The following PYHIN1 variants were observed in gnomAD, a reference collection of about 807,000 sequenced individuals.
PYHIN1 encodes pyrin and HIN domain-containing protein 1.
In PYHIN1, 32 loss-of-function variants were observed where a neutral mutation model predicts 43.7. That is an observed-to-expected ratio of 0.73 (90% CI 0.55 to 0.98). The LOEUF is 0.98. PYHIN1 is among the 50% of genes least tolerant of loss of function. The pLI, the probability that PYHIN1 is intolerant of heterozygous loss-of-function variation, is 0.00. For missense variants in PYHIN1, 588 were observed against 589.5 expected (o/e 1.00, Z 0.03); for synonymous variants, 205 against 203.1 (o/e 1.01, Z -0.08).
In PYHIN1 at chr1:158,942,364, G is replaced by A. The variant is rs1443490869; in HGVS notation, c.967G>A (p.Gly323Arg). 6.2e-7 allele frequency: 1 copy of A among 1,610,208 alleles called. No individual in the cohort carries two copies. The highest frequency in any genetic ancestry group is 1.7e-5 in the Admixed American group (1 of 59,134). The change falls in exon 5 of 9, where the codon GGA becomes AGA. Residue 323 changes from glycine (G) to arginine (R), a missense_variant. Physicochemically the swap from Gly to Arg is moderately radical, Grantham distance 125. Coordinates refer to ENST00000368140, the MANE Select transcript of PYHIN1 (RefSeq NM_152501.5). ...CAATATTCTTCACAAACAAACTTCA[G>A]GATATATTGTATATGGATTATTTAT... is the stretch of plus-strand genomic sequence containing the variant. ...KINILHKQTS[G>R]YIVYGLFMLH...
At chr1:158,940,770 C>T (rs1185642349) in intron 4 of PYHIN1, among the ~76,000 whole-genome samples, 1 of 152,074 alleles carries the variant, frequency 6.6e-6, no homozygotes, top group African/African-American at 2.4e-5. Flanking sequence ...GCAGACAAAC[C>T]AGATCAAACT....
At chr1:158,942,869 A>C (rs1302856244) in intron 5 of PYHIN1, among the ~76,000 whole-genome samples, 1 of 152,222 alleles carries the variant, frequency 6.6e-6, no homozygotes, top group Non-Finnish European at 1.5e-5. Context: ...CCTGGAAATC[A>C]ATTGCAGTAA....
rs1319946402 is a variant in PYHIN1 at position 158,933,614 on chromosome 1, A to G, written c.-21+1838A>G. 1.3e-5 allele frequency among the ~76,000 whole-genome samples: 2 copies of G among 152,100 alleles called. No homozygotes were observed. Among genetic ancestry groups the G allele is most frequent in the East Asian group, 3.8e-4 (2 of 5,198 alleles). ...ATTTAACTAGTTAACCTCTTTATGTATAGGCTAATAATTAACATATTTTGG... is the reference window on the plus strand; with the variant it reads ...ATTTAACTAGTTAACCTCTTTATGTGTAGGCTAATAATTAACATATTTTGG... On this transcript the variant is annotated intron_variant, in intron 1 of 8. Transcript: ENST00000368140. The surrounding 1 kb of genome is among the most constrained non-coding windows in gnomAD (Gnocchi z 6.3).
chr1:158,936,604 T>A (rs1454246207), intron 1 of PYHIN1, among the ~76,000 whole-genome samples: 4 of 152,124 alleles, frequency 2.6e-5, no homozygotes, highest in African/African-American at 9.7e-5. Context: ...ACCAAATTAT[T>A]ATCTCAATAG....
chr1:158,961,831 G>A (rs1162310925), intron 7 of PYHIN1, among the ~76,000 whole-genome samples: 1 of 152,198 alleles, frequency 6.6e-6, no homozygotes, highest in Non-Finnish European at 1.5e-5. Context: ...CCTGGAATTA[G>A]CGGCTGCAGC....
In PYHIN1 at chr1:158,944,920, G is replaced by A. The variant is rs1408529681; in HGVS notation, c.1237G>A (p.Ala413Thr). 6.2e-7 allele frequency: 1 copy of A among 1,612,894 alleles called. No homozygotes were observed. Among genetic ancestry groups the A allele is most frequent in the East Asian group, 2.2e-5 (1 of 44,836 alleles). Reference sequence around the variant, plus strand: ...GAGAAGCCATGACTCCAGGAGCATGGCACTACCCCAGGAACAGAGTCAGCA... The same window carrying A: ...GAGAAGCCATGACTCCAGGAGCATGACACTACCCCAGGAACAGAGTCAGCA... ...NQRSHDSRSM[A>T]LPQEQSQHPK... The change falls in exon 7 of 9, where the codon GCA (alanine) becomes ACA (threonine). Residue 413 changes from alanine to threonine, a missense_variant. By Grantham distance (58) the Ala-to-Thr change is moderately conservative. Transcript: ENST00000368140.
At chr1:158,938,325 A>C in intron 2 of PYHIN1, 72 bp from the exon 3 acceptor site, 1 of 1,504,650 alleles carries the variant, frequency 6.6e-7, no homozygotes, top group Non-Finnish European at 9.2e-7. Context: ...AAGAGCAAAT[A>C]GTATTGAAAC....
At chr1:158,985,645 T>C in the PYHIN1 span, among the ~76,000 whole-genome samples, 1 of 152,174 alleles carries the variant, frequency 6.6e-6, no homozygotes, top group Non-Finnish European at 1.5e-5. Flanking sequence ...ATTGTCATCT[T>C]GTGTAATATC....
intron 7 of PYHIN1, among the ~76,000 whole-genome samples, chr1:158,971,933 G>GA (rs1650954000): frequency 6.6e-6 from 1 of 151,324 alleles, no homozygotes; most frequent in Non-Finnish European, 1.5e-5. Context: ...GCTAGCCAGA[G>GA]AAAATGCAAG....
chr1:158,939,501 A>G (rs1648779245), intron 4 of PYHIN1: 1 of 1,550,734 alleles, frequency 6.4e-7, no homozygotes, highest in African/African-American at 1.4e-5. Flanking sequence ...TGGAACTTTC[A>G]GCAACAGACT....
chr1:158,964,584 A>G (rs1371065537), intron 7 of PYHIN1, among the ~76,000 whole-genome samples: 1 of 152,240 alleles, frequency 6.6e-6, no homozygotes, highest in Admixed American at 6.5e-5. Context: ...ACCTATATTC[A>G]GCATTCTTAA....
intron 7 of PYHIN1, among the ~76,000 whole-genome samples, chr1:158,961,170 G>A (rs569200305): frequency 6.6e-6 from 1 of 152,186 alleles, no homozygotes; most frequent in African/African-American, 2.4e-5. Context: ...TCATAACACA[G>A]TCATGAGAAT....
chr1:158,944,967 C>T lies in PYHIN1; in HGVS notation c.1284C>T (p.Ser428=). The T allele has an allele frequency of 6.2e-7, 1 of 1,613,904 alleles. No individual in the cohort carries two copies. Among genetic ancestry groups the T allele is most frequent in the African/African-American group, 1.3e-5 (1 of 75,002 alleles). The stretch of plus-strand genomic sequence containing the variant: ...AGCATCCAAAACCTTCAGAGGCCAG[C>T]ACAACCCTACCTGAAAGCCATCTCA... ...QSQHPKPSEA[S]TTLPESHLKT... Residue 428 remains serine (S), a synonymous_variant, in exon 7 of 9, where the codon AGC becomes AGT. Coordinates refer to ENST00000368140, the MANE Select transcript of PYHIN1 (RefSeq NM_152501.5).
downstream of PYHIN1, among the ~76,000 whole-genome samples, chr1:158,979,042 G>A (rs1362341359): frequency 6.6e-6 from 1 of 152,170 alleles, no homozygotes; most frequent in Non-Finnish European, 1.5e-5. Context: ...AGCTCTGAGA[G>A]GATCTCTAGT....
intron 7 of PYHIN1, among the ~76,000 whole-genome samples, chr1:158,969,343 C>A (rs1004362707): frequency 6.6e-6 from 1 of 151,868 alleles, no homozygotes; most frequent in Non-Finnish European, 1.5e-5. Flanking sequence ...ATGCCTATAT[C>A]TTCAGTAAAT....
chr1:158,962,814 C>T (rs1397020089), intron 7 of PYHIN1, among the ~76,000 whole-genome samples: 2 of 152,164 alleles, frequency 1.3e-5, no homozygotes, highest in African/African-American at 4.8e-5. Context: ...CCACCCATGG[C>T]TAAGCATACG....
At chr1:158,975,073 G>A (rs1346327459) in intron 8 of PYHIN1, among the ~76,000 whole-genome samples, 1 of 151,814 alleles carries the variant, frequency 6.6e-6, no homozygotes, top group Non-Finnish European at 1.5e-5. Flanking sequence ...TCTCAGCTAG[G>A]GTCCTATGTC....
At chr1:158,955,087 C>A (rs957864712) in intron 7 of PYHIN1, among the ~76,000 whole-genome samples, 19 of 151,898 alleles carry the variant, frequency 1.3e-4, no homozygotes, top group African/African-American at 3.4e-4. Context: ...TACAGGAGCA[C>A]CCAGATTCGT....
At chr1:158,942,929 T>C (rs931093285) in intron 5 of PYHIN1, among the ~76,000 whole-genome samples, 2 of 152,158 alleles carry the variant, frequency 1.3e-5, no homozygotes, top group African/African-American at 2.4e-5. Flanking sequence ...TCAAAAAGTA[T>C]TGAAGGGCTG....
Sources: gnomAD v4.1 joint callset for allele counts (sites outside exome capture counted in the v4.1 genomes callset) on GRCh38, gnomAD v4.1.1 for gene constraint, Gnocchi (gnomAD v3.1) non-coding constraint, MANE v1.5 for transcripts, NCBI Gene and HGNC (gene_info 2026-07-23, HGNC 2026-07-21) for gene names.